NFU1: variants seen among roughly 807,000 people sequenced by gnomAD.
NFU1 encodes the protein NFU1 iron-sulfur cluster scaffold homolog, mitochondrial.
In NFU1, 30 loss-of-function variants were observed where a neutral mutation model predicts 32.2. That is an observed-to-expected ratio of 0.93 (90% confidence interval 0.70 to 1.26). The LOEUF (loss-of-function observed/expected upper bound fraction) is 1.26, where lower values mean the gene tolerates loss of function less well. NFU1 is among the 50% of genes most tolerant of loss of function. The pLI, the probability that NFU1 is intolerant of heterozygous loss-of-function variation, is 0.00. For missense variants in NFU1, 306 were observed against 306.6 expected (o/e 1.00, Z 0.02); for synonymous variants, 112 against 104.6 (o/e 1.07, Z -0.43).
At chr2:69,398,079 T>C (rs1164484131) in intron 7 of NFU1, among the ~76,000 whole-genome samples, 1 of 152,202 alleles carries the variant, frequency 6.6e-6, no homozygotes, top group Non-Finnish European at 1.5e-5. Flanking sequence ...CCAAAAAATT[T>C]TGTCAACCAA....
At chr2:69,436,561 T>C (rs1370194696) in intron 1 of NFU1, among the ~76,000 whole-genome samples, 1 of 152,218 alleles carries the variant, frequency 6.6e-6, no homozygotes, top group Non-Finnish European at 1.5e-5. Flanking sequence ...GGAAGACATC[T>C]ACTCAAACAC....
At chr2:69,400,620 A>T in intron 6 of NFU1, 82 bp from the exon 7 acceptor site, 2 of 1,164,618 alleles carry the variant, frequency 1.7e-6, no homozygotes, top group Non-Finnish European at 2.5e-6. Context: ...TCAGAGCTTA[A>T]ATTTTATATT....
At chr2:69,415,381 C>A in intron 4 of NFU1, 82 bp from the exon 5 acceptor site, 1 of 635,452 alleles carries the variant, frequency 1.6e-6, no homozygotes, top group Non-Finnish European at 2.8e-6. Flanking sequence ...CCTCTTTTTT[C>A]TTTTTTTTTT....
chr2:69,437,666 G>A (rs1473520307), upstream of NFU1: 2 of 606,792 alleles, frequency 3.3e-6, no homozygotes, highest in East Asian at 5.6e-5. Context: ...GCAGCACTGT[G>A]AACGCATGCG....
In NFU1 at chr2:69,415,043, A is replaced by C. The variant is rs1262914518; in HGVS notation, c.484+142T>G. ...TGCCAATTTATACACAAGCTTTCAA[A>C]ATGATATATAAATTTGCAGAGCTAA... On this transcript the variant is annotated intron_variant, in intron 5 of 7. Transcript: ENST00000410022. The C allele has an allele frequency of 4.8e-6, 3 of 622,354 alleles. No individual in the cohort carries two copies. In the Admixed American group the frequency reaches 9.2e-5, roughly 19 times the overall value. 38.6% of individuals were successfully genotyped at this position (622,354 alleles called of 1,614,324 possible).
intron 1 of NFU1, among the ~76,000 whole-genome samples, chr2:69,432,592 G>C (rs1673676477): frequency 6.6e-6 from 1 of 151,592 alleles, no homozygotes; most frequent in South Asian, 2.1e-4. Context: ...AAAAGAAACA[G>C]AATTGTATCT....
chr2:69,434,766 T>C (rs1673772555), intron 1 of NFU1, among the ~76,000 whole-genome samples: 1 of 152,184 alleles, frequency 6.6e-6, no homozygotes, highest in African/African-American at 2.4e-5. Context: ...GGATTTGCAA[T>C]AAAGAGTTTA....
At chr2:69,436,123 A>C (rs922923203) in intron 1 of NFU1, among the ~76,000 whole-genome samples, 5 of 152,156 alleles carry the variant, frequency 3.3e-5, no homozygotes, top group African/African-American at 1.2e-4. Flanking sequence ...GCTAGACTGC[A>C]TACTCATTAA....
chr2:69,406,992 G>A (rs566850638), intron 5 of NFU1, among the ~76,000 whole-genome samples: 12 of 152,174 alleles, frequency 7.9e-5, no homozygotes, highest in Non-Finnish European at 1.3e-4. Context: ...TCTTGTTGCC[G>A]TCATGTGAAG....
chr2:69,410,063 C>T (rs995674735), intron 5 of NFU1, among the ~76,000 whole-genome samples: 69 of 152,050 alleles, frequency 4.5e-4, no homozygotes, highest in African/African-American at 1.6e-3. Context: ...TATTCCAATA[C>T]CCAACACCCC....
chr2:69,416,209 C>T (rs1182501825), intron 4 of NFU1: 3 of 150,824 alleles, frequency 2.0e-5, no homozygotes, highest in African/African-American at 7.3e-5. Flanking sequence ...ATTAGCTCCA[C>T]ATCTTAAAGG....
chr2:69,399,185 G>C (rs1437273487), intron 7 of NFU1: 1 of 303,678 alleles, frequency 3.3e-6, no homozygotes, highest in Non-Finnish European at 6.5e-6. Flanking sequence ...ACTCCAGCCT[G>C]GGCAACAGAA....
chr2:69,404,134 G>A (rs900850509), intron 6 of NFU1, among the ~76,000 whole-genome samples: 7 of 149,106 alleles, frequency 4.7e-5, no homozygotes, highest in South Asian at 2.2e-4. Flanking sequence ...CACCGCACCC[G>A]GCCTCCAATT....
At chr2:69,399,976 A>G (rs980096313) in intron 7 of NFU1, among the ~76,000 whole-genome samples, 1 of 151,822 alleles carries the variant, frequency 6.6e-6, no homozygotes, top group South Asian at 2.1e-4. Context: ...AGGTTCAAGC[A>G]ATTCTCCTGC....
chr2:69,402,741 G>A (rs1015648092), intron 6 of NFU1, among the ~76,000 whole-genome samples: 2 of 151,728 alleles, frequency 1.3e-5, no homozygotes, highest in African/African-American at 2.4e-5. Context: ...GCCACCATGC[G>A]TGGCTAATTT....
intron 1 of NFU1, 127 bp downstream of exon 1, chr2:69,437,234 G>A (rs1673874425): frequency 2.0e-6 from 3 of 1,486,508 alleles, no homozygotes; most frequent in African/African-American, 1.4e-5. Context: ...TACGGCGACA[G>A]GGCGGACCCG....
At chr2:69,401,276 C>T (rs1672514964) in intron 6 of NFU1, among the ~76,000 whole-genome samples, 1 of 152,218 alleles carries the variant, frequency 6.6e-6, no homozygotes, top group Admixed American at 6.5e-5. Context: ...AACAAAAATG[C>T]TGCCATTATC....
At chr2:69,407,350 C>T (rs1672727679) in intron 5 of NFU1, among the ~76,000 whole-genome samples, 1 of 152,168 alleles carries the variant, frequency 6.6e-6, no homozygotes, top group South Asian at 2.1e-4. Flanking sequence ...TAGATTCTGG[C>T]AACCCCTAAA....
At chr2:69,427,245 C>T (rs1444058762) in intron 2 of NFU1, among the ~76,000 whole-genome samples, 3 of 150,308 alleles carry the variant, frequency 2.0e-5, no homozygotes, top group Admixed American at 6.6e-5. Context: ...ATTAACCGGG[C>T]GTGGTGGCAG....
Sources: allele counts gnomAD v4.1 joint callset (sites outside exome capture counted in the v4.1 genomes callset), GRCh38; gene constraint gnomAD v4.1.1; transcripts MANE v1.5; gene names NCBI Gene and HGNC (gene_info 2026-07-23, HGNC 2026-07-21).